The following PCDHGA3 variants were observed in gnomAD, a reference collection of about 807,000 sequenced individuals.
PCDHGA3 encodes the protein protocadherin gamma-A3.
A neutral mutation model predicts 58.5 loss-of-function variants in PCDHGA3; 40 were observed. The observed-to-expected ratio is 0.68, with a 90% CI of 0.53 to 0.89. PCDHGA3 has a LOEUF of 0.89. Ranked by LOEUF, PCDHGA3 falls within the 40% of genes least tolerant of loss-of-function variation. PCDHGA3 has a pLI of 0.00. For missense variants in PCDHGA3, 1,223 were observed against 1,195.9 expected, an observed-to-expected ratio of 1.02 and a Z score of -0.33; for synonymous variants, 530 against 525.7, an observed-to-expected ratio of 1.01 and a Z score of -0.11.
At position 141,487,915 on chromosome 5, in the gene PCDHGA3, G is replaced by T; in HGVS notation, c.2425-6892G>T. The T allele has an allele frequency of 1.5e-6, 1 of 655,128 alleles. No homozygotes were observed. Among genetic ancestry groups the T allele is most frequent in the Middle Eastern group, 3.5e-4 (1 of 2,862 alleles). The allele number at this position is 655,128 out of a possible 1,614,324, so 40.6% of individuals were successfully genotyped here. ...GATGATGGAATGTGGGAGCACAGGA[G>T]GCTACAGTGCACAGGGTACAGTGCA... On this transcript the variant is annotated intron_variant, in intron 1 of 3. Coordinates refer to ENST00000253812, the MANE Select transcript of PCDHGA3 (RefSeq NM_018916.4). This position sits in a 1 kb window ranked among gnomAD's most constrained non-coding sequence, Gnocchi z 5.0.
rs368718827 is a variant in PCDHGA3, at chr5:141,410,231, G to A, written c.2424+63774G>A. On this transcript the variant is annotated intron_variant, in intron 1 of 3. Transcript: ENST00000253812. ...GCAAGAGATACTGCCAGACCTCAGC[G>A]ACCGCCCTGTACTCTCTGACCCCCA... 8.7e-6 allele frequency: 14 copies of A among 1,613,888 alleles called. No homozygotes were observed. The highest frequency in any genetic ancestry group is 1.6e-4 in the Middle Eastern group (1 of 6,084).
chr5:141,453,204 C>T (rs1345502837), intron 1 of PCDHGA3, among the ~76,000 whole-genome samples: 1 of 152,260 alleles, frequency 6.6e-6, no homozygotes, highest in East Asian at 1.9e-4. Flanking sequence ...GCCTCAACCT[C>T]GTGCACTTAA....
intron 2 of PCDHGA3, among the ~76,000 whole-genome samples, chr5:141,501,868 C>G (rs1016056445): frequency 1.3e-5 from 2 of 152,120 alleles, no homozygotes; most frequent in African/African-American, 2.4e-5. Flanking sequence ...TCCCAGGACG[C>G]CTCCTTACAC....
rs2095932484 is a variant in PCDHGA3, at chr5:141,415,751, T to TG, written c.2424+69294_2424+69295insG. 3.8e-6 allele frequency: 5 copies of TG among 1,328,726 alleles called. No homozygotes were observed. The African/African-American group carries it at 9.4e-5, about 25-fold the overall frequency. The allele number at this position is 1,328,726 out of a possible 1,614,324, so 82.3% of individuals were successfully genotyped here. On this transcript the variant is annotated intron_variant, in intron 1 of 3. Transcript: ENST00000253812. ...TGATGTTTATTAAGGTTTTTTTTTT[T>TG]TTTTTTTTTTTTTTTTTTTTTACTT... is the stretch of plus-strand genomic sequence containing the variant.
chr5:141,463,814 C>T (rs1359662651), intron 1 of PCDHGA3, among the ~76,000 whole-genome samples: 7 of 152,188 alleles, frequency 4.6e-5, no homozygotes, highest in African/African-American at 1.7e-4. Flanking sequence ...GCTTTTATCA[C>T]ACATTTTGAT....
intron 1 of PCDHGA3, among the ~76,000 whole-genome samples, chr5:141,430,066 G>A (rs550834063): frequency 4.1e-4 from 62 of 152,102 alleles, no homozygotes; most frequent in Non-Finnish European, 8.4e-4. Flanking sequence ...TCATTTTTAG[G>A]TTTCCATAAT....
intron 1 of PCDHGA3, chr5:141,356,555 T>C (rs1760254729): frequency 6.2e-7 from 1 of 1,613,964 alleles, no homozygotes; most frequent in Non-Finnish European, 8.5e-7. Context: ...CCACCCACTT[T>C]CCCTCATGCT....
intron 1 of PCDHGA3, chr5:141,422,899 G>A: frequency 2.5e-6 from 4 of 1,614,234 alleles, no homozygotes; most frequent in Non-Finnish European, 3.4e-6. Flanking sequence ...GGACCAGAAC[G>A]ACAATGCGCC....
Position 141,486,785 on chromosome 5 carries a change from C to G in PCDHGA3, c.2425-8022C>G, listed in dbSNP as rs763174232. The G allele has an allele frequency of 2.8e-5, 45 of 1,614,102 alleles. No homozygotes were observed. The highest frequency in any genetic ancestry group is 3.6e-5 in the Non-Finnish European group (42 of 1,180,050). On this transcript the variant is annotated intron_variant, in intron 1 of 3. Coordinates refer to ENST00000253812, the MANE Select transcript of PCDHGA3 (RefSeq NM_018916.4). The surrounding 1 kb of genome is among the most constrained non-coding windows in gnomAD (Gnocchi z 5.0). ...GACACTGCAGTTTGAGGTGCAGGCC[C>G]GGGATCGGGGCAACCCACCCCTTAG... is the stretch of plus-strand genomic sequence containing the variant.
intron 1 of PCDHGA3, chr5:141,374,351 A>T (rs1770409199): frequency 6.2e-7 from 1 of 1,614,022 alleles, no homozygotes; most frequent in South Asian, 1.1e-5. Flanking sequence ...CGCGGGTAGG[A>T]TAGACCGCGA....
intron 1 of PCDHGA3, among the ~76,000 whole-genome samples, chr5:141,453,193 A>G (rs2098757675): frequency 6.6e-6 from 1 of 152,142 alleles, no homozygotes; most frequent in Admixed American, 6.5e-5. Context: ...AGCTCACTGC[A>G]GCCTCAACCT....
intron 1 of PCDHGA3, among the ~76,000 whole-genome samples, chr5:141,425,778 C>G (rs2096893107): frequency 6.6e-6 from 1 of 152,160 alleles, no homozygotes; most frequent in African/African-American, 2.4e-5. Flanking sequence ...AAGACTTTGC[C>G]TAGTTCTTCC....
At chr5:141,459,806 A>G (rs2154566682) in intron 1 of PCDHGA3, among the ~76,000 whole-genome samples, 1 of 152,342 alleles carries the variant, frequency 6.6e-6, no homozygotes, top group African/African-American at 2.4e-5. Flanking sequence ...CCTGTTGACT[A>G]GAGACACTGA....
At chr5:141,452,281 T>G (rs948141174) in intron 1 of PCDHGA3, among the ~76,000 whole-genome samples, 2 of 152,232 alleles carry the variant, frequency 1.3e-5, no homozygotes, top group Non-Finnish European at 2.9e-5. Flanking sequence ...CCTTTCTTAC[T>G]TTCTGATATA....
chr5:141,371,524 G>T, intron 1 of PCDHGA3: 1 of 1,613,756 alleles, frequency 6.2e-7, no homozygotes, highest in Non-Finnish European at 8.5e-7. Flanking sequence ...CTAGATTCTG[G>T]ATTTAATGGA....
At chr5:141,393,079 GGATA>G (rs1414303760) in intron 1 of PCDHGA3, 2 of 1,613,582 alleles carry the variant, frequency 1.2e-6, no homozygotes, top group Non-Finnish European at 1.7e-6. Context: ...ACCGCGGGCA[GGATA>G]GATCGGGAGG....
At chr5:141,454,267 A>G (rs1270638226) in intron 1 of PCDHGA3, among the ~76,000 whole-genome samples, 1 of 152,254 alleles carries the variant, frequency 6.6e-6, no homozygotes, top group Non-Finnish European at 1.5e-5. Context: ...AAGTAATGCC[A>G]GCAAAAACTT....
In PCDHGA3 at chr5:141,403,547, G is replaced by A. The variant is rs940508173; in HGVS notation, c.2424+57090G>A. ...AAACCCAGAGCTGGTGCTGGAGCGC[G>A]CCCTGGACAGGGAGGAGGCAACTGC... On this transcript the variant is annotated intron_variant, in intron 1 of 3. Coordinates refer to ENST00000253812, the MANE Select transcript of PCDHGA3 (RefSeq NM_018916.4). 3.4e-5 allele frequency: 55 copies of A among 1,613,888 alleles called. No individual in the cohort carries two copies. The highest frequency in any genetic ancestry group is 4.5e-5 in the Non-Finnish European group (53 of 1,179,904).
At chr5:141,399,864 G>A (rs762765678) in intron 1 of PCDHGA3, 1 of 1,612,860 alleles carries the variant, frequency 6.2e-7, no homozygotes. Flanking sequence ...GCGCTGCAGA[G>A]CCCGGCTACC....
Sources: allele counts gnomAD v4.1 joint callset (sites outside exome capture counted in the v4.1 genomes callset), GRCh38; gene constraint gnomAD v4.1.1; non-coding constraint Gnocchi (gnomAD v3.1); transcripts MANE v1.5; gene names NCBI Gene and HGNC (gene_info 2026-07-23, HGNC 2026-07-21).